RARB: variants seen among roughly 807,000 people sequenced by gnomAD.
The protein encoded by RARB is HBV-activated protein.
Under a neutral mutation model 51.9 loss-of-function variants are expected in RARB, and 17 were observed. The ratio of observed to expected loss-of-function variants is 0.33; its 90% CI spans 0.22 to 0.49. RARB has a LOEUF of 0.49. Among genes scored for constraint, RARB ranks in the 20% least tolerant of loss-of-function variants. The probability of loss-of-function intolerance (pLI) is 0.99; values close to 1 mark genes in which losing one functional copy is unlikely to be tolerated. For missense variants in RARB, 369 were observed against 550.8 expected (o/e 0.67, Z 3.30); for synonymous variants, 215 against 195.4 (o/e 1.10, Z -0.84).
chr3:24,899,555 G>A (rs968180926), intron 2 of RARB, among the ~76,000 whole-genome samples: 1 of 152,128 alleles, frequency 6.6e-6, no homozygotes, highest in African/African-American at 2.4e-5. Context: ...AGTCTAGTGG[G>A]AATTGATTAG....
At chr3:25,263,745 GGCCAGTGT>G (rs1458548126) in intron 5 of RARB, among the ~76,000 whole-genome samples, 4 of 152,114 alleles carry the variant, frequency 2.6e-5, no homozygotes, top group Admixed American at 6.5e-5. Flanking sequence ...GCTAGGGGAA[GGCCAGTGT>G]GCCAGGGAGG....
At chr3:25,498,886 G>A (rs1697166713) in intron 2 of RARB, among the ~76,000 whole-genome samples, 1 of 152,166 alleles carries the variant, frequency 6.6e-6, no homozygotes, top group Admixed American at 6.5e-5. Flanking sequence ...TTTTTGTAGG[G>A]AAAGATATGT....
At chr3:24,929,453 A>G (rs1028039658) in intron 2 of RARB, among the ~76,000 whole-genome samples, 2 of 152,150 alleles carry the variant, frequency 1.3e-5, no homozygotes, top group Non-Finnish European at 2.9e-5. Flanking sequence ...GCTGTAGTTT[A>G]TAATATGGTT....
chr3:25,372,499 G>A (rs896343774), intron 5 of RARB, among the ~76,000 whole-genome samples: 1 of 152,190 alleles, frequency 6.6e-6, no homozygotes, highest in African/African-American at 2.4e-5. Context: ...TATGTTCCAG[G>A]CAAGAGAAGA....
chr3:25,592,343 T>TC (rs1701644604), intron 5 of RARB, among the ~76,000 whole-genome samples: 1 of 152,204 alleles, frequency 6.6e-6, no homozygotes, highest in Non-Finnish European at 1.5e-5. Flanking sequence ...TCCTGAGTTA[T>TC]TCACTTTTGT....
In RARB at chr3:24,989,774, CTTTTTTTTTTTTTTTTTTT is replaced by C. The variant is rs769275874; in HGVS notation, c.-379-70333_-379-70315del. ...ATTTTAACTGTTGTCATATGTTTTTCTTTTTTTTTTTTTTTTTTTTTTTTTTTTTTTTTTTTGAGACGGA... is the reference window on the plus strand; with the variant it reads ...ATTTTAACTGTTGTCATATGTTTTTCTTTTTTTTTTTTTTTTTGAGACGGA... On this transcript the variant is annotated intron_variant, in intron 2 of 11. Transcript: ENST00000383772. 1.6e-3 allele frequency among the ~76,000 whole-genome samples: 46 copies of C among 29,532 alleles called. 4 individuals carry two copies. The highest frequency in any genetic ancestry group is 6.0e-3 in the East Asian group (5 of 838). 19.4% of individuals were successfully genotyped at this position (29,532 alleles called of 152,430 possible). A position where few individuals can be genotyped will look rare whatever the true frequency, so the allele number is the denominator to read the frequency against.
At chr3:24,934,428 T>C (rs1695507285) in intron 2 of RARB, among the ~76,000 whole-genome samples, 1 of 152,158 alleles carries the variant, frequency 6.6e-6, no homozygotes, top group African/African-American at 2.4e-5. Flanking sequence ...AAATTACTTT[T>C]GTCTTTCTGA....
rs534369533 is a variant in RARB, at chr3:25,506,207, C to T, written c.448+4884C>T. On this transcript the variant is annotated intron_variant, in intron 3 of 7. Coordinates refer to ENST00000330688, the MANE Select transcript of RARB (RefSeq NM_000965.5). Reference sequence around the variant, plus strand: ...GGCGGAGGTTGCAATAAGCCGAGATCGCACCATTGCACTCCAGCCTGGGCG... The same window carrying T: ...GGCGGAGGTTGCAATAAGCCGAGATTGCACCATTGCACTCCAGCCTGGGCG... Among the ~76,000 whole-genome samples the T allele has an allele frequency of 5.0e-5, 7 of 141,230 alleles. No individual in the cohort carries two copies. In the South Asian group the frequency reaches 1.4e-3, roughly 27 times the overall value. 92.7% of individuals were successfully genotyped at this position (141,230 alleles called of 152,430 possible).
At chr3:24,830,467 G>T (rs993309540) in intron 1 of RARB, among the ~76,000 whole-genome samples, 2 of 148,420 alleles carry the variant, frequency 1.3e-5, no homozygotes, top group African/African-American at 5.0e-5. Flanking sequence ...CGTGGCTAAG[G>T]ATGCTCGGGT....
At chr3:25,375,288 T>A (rs1706426013) in intron 5 of RARB, among the ~76,000 whole-genome samples, 1 of 152,222 alleles carries the variant, frequency 6.6e-6, no homozygotes, top group African/African-American at 2.4e-5. Flanking sequence ...TACCACCCTG[T>A]CACTAGGGCT....
At chr3:25,180,920 T>C (rs536819724) in intron 5 of RARB, among the ~76,000 whole-genome samples, 1 of 152,282 alleles carries the variant, frequency 6.6e-6, no homozygotes, top group African/African-American at 2.4e-5. Flanking sequence ...CCATGAAAAT[T>C]AATTGTCAAA....
At chr3:25,164,302 G>C (rs74796311) in intron 4 of RARB, among the ~76,000 whole-genome samples, 1 of 152,126 alleles carries the variant, frequency 6.6e-6, no homozygotes, top group Non-Finnish European at 1.5e-5. Context: ...AAGACTATTA[G>C]AGATCCTGAT....
intron 3 of RARB, among the ~76,000 whole-genome samples, chr3:25,111,990 G>C (rs1160015600): frequency 1.3e-5 from 2 of 152,132 alleles, no homozygotes; most frequent in Non-Finnish European, 1.5e-5. Context: ...CAATGTTTTT[G>C]TGTTAGATTA....
At chr3:24,952,945 C>T (rs909469140) in intron 2 of RARB, among the ~76,000 whole-genome samples, 19 of 151,860 alleles carry the variant, frequency 1.3e-4, no homozygotes, top group Admixed American at 1.2e-3. Flanking sequence ...CAGGGTATAA[C>T]ATAGTTCGCA....
intron 3 of RARB, among the ~76,000 whole-genome samples, chr3:25,093,051 C>G (rs1316611439): frequency 1.3e-5 from 2 of 152,174 alleles, no homozygotes; most frequent in Non-Finnish European, 2.9e-5. Flanking sequence ...ATGATACTGA[C>G]TATGGATTAG....
At chr3:24,959,137 C>A (rs1696084926) in intron 2 of RARB, among the ~76,000 whole-genome samples, 1 of 152,234 alleles carries the variant, frequency 6.6e-6, no homozygotes, top group Admixed American at 6.5e-5. Context: ...AAGTGGTAAA[C>A]AGCTGAGTGG....
intron 5 of RARB, among the ~76,000 whole-genome samples, chr3:25,350,114 T>C (rs1705515440): frequency 1.3e-5 from 2 of 152,158 alleles, no homozygotes; most frequent in African/African-American, 4.8e-5. Context: ...TTCTGTAGGC[T>C]TAAGCTTGGA....
chr3:24,839,951 G>C (rs1400604074), intron 1 of RARB, among the ~76,000 whole-genome samples: 4 of 152,122 alleles, frequency 2.6e-5, no homozygotes, highest in Non-Finnish European at 4.4e-5. Context: ...AGCTGAGTGG[G>C]AGCAGGGGAT....
intron 2 of RARB, among the ~76,000 whole-genome samples, chr3:25,025,635 A>C (rs1697730969): frequency 6.6e-6 from 1 of 152,200 alleles, no homozygotes; most frequent in African/African-American, 2.4e-5. Flanking sequence ...GAATAGGGAC[A>C]ATCTGGAGAG....
Sources: allele counts gnomAD v4.1 joint callset (sites outside exome capture counted in the v4.1 genomes callset), GRCh38; gene constraint gnomAD v4.1.1; transcripts MANE v1.5; gene names NCBI Gene and HGNC (gene_info 2026-07-23, HGNC 2026-07-21).